The following PRKAR1A variants were observed in gnomAD, a reference collection of about 807,000 sequenced individuals.
PRKAR1A encodes the protein protein kinase cAMP-dependent type I regulatory subunit alpha.
A neutral mutation model predicts 52.0 loss-of-function variants in PRKAR1A; 3 were observed. The observed-to-expected ratio is 0.06, with a 90% CI of 0.03 to 0.15. PRKAR1A has a LOEUF of 0.15. Among genes scored for constraint, PRKAR1A ranks in the 10% least tolerant of loss-of-function variants. The pLI is 1.00. For synonymous variants in PRKAR1A, 188 were observed against 168.4 expected, an observed-to-expected ratio of 1.12 and a Z score of -0.90; for missense variants, 240 against 477.4, an observed-to-expected ratio of 0.50 and a Z score of 4.63.
intron 11 of PRKAR1A, chr17:68,542,851 G>T: frequency 6.9e-7 from 1 of 1,454,974 alleles, no homozygotes; most frequent in Non-Finnish European, 9.6e-7. Flanking sequence ...GGATGATCAG[G>T]GAGTGAGGAG....
At chr17:68,456,411 G>C in the PRKAR1A span, among the ~76,000 whole-genome samples, 1 of 152,180 alleles carries the variant, frequency 6.6e-6, no homozygotes, top group Non-Finnish European at 1.5e-5. Flanking sequence ...TGGGAAACTG[G>C]GAATCGGTCA....
At chr17:68,456,814 G>GCCTGGGGGCCTGT in the PRKAR1A span, among the ~76,000 whole-genome samples, 3 of 152,208 alleles carry the variant, frequency 2.0e-5, no homozygotes, top group African/African-American at 7.2e-5. Context: ...ACAGGGGCTG[G>GCCTGGGGGCCTGT]CCTGGCCGCA....
chr17:68,471,739 C>T, the PRKAR1A span, among the ~76,000 whole-genome samples: 1 of 152,194 alleles, frequency 6.6e-6, no homozygotes, highest in Non-Finnish European at 1.5e-5. Context: ...CTGACTGTCT[C>T]AGAGGCCCCC....
the PRKAR1A span, among the ~76,000 whole-genome samples, chr17:68,504,894 C>T: frequency 6.6e-6 from 1 of 152,260 alleles, no homozygotes; most frequent in East Asian, 1.9e-4. Flanking sequence ...GTGATTATTA[C>T]CCATTGTATG....
At chr17:68,444,653 AATC>A in the PRKAR1A span, 1 of 1,356,608 alleles carries the variant, frequency 7.4e-7, no homozygotes, top group South Asian at 1.3e-5. Flanking sequence ...ACCAAATCCA[AATC>A]ATTCATCTTT....
chr17:68,520,007 A>G (rs1359810210), intron 2 of PRKAR1A, among the ~76,000 whole-genome samples: 1 of 152,238 alleles, frequency 6.6e-6, no homozygotes, highest in Non-Finnish European at 1.5e-5. Flanking sequence ...TTCAGTGGTT[A>G]CTACAACAGA....
chr17:68,450,234 C>A, the PRKAR1A span, among the ~76,000 whole-genome samples: 1 of 152,160 alleles, frequency 6.6e-6, no homozygotes, highest in African/African-American at 2.4e-5. Context: ...GAATAGCAGA[C>A]CTTCCAGGAG....
chr17:68,524,701 G>T (rs534548358), intron 5 of PRKAR1A, among the ~76,000 whole-genome samples: 2 of 152,010 alleles, frequency 1.3e-5, no homozygotes, highest in Non-Finnish European at 2.9e-5. Context: ...TTTTTCAGAG[G>T]TATTCTTCAC....
intron 2 of PRKAR1A, among the ~76,000 whole-genome samples, chr17:68,520,782 A>G (rs1568692922): frequency 6.6e-6 from 1 of 152,218 alleles, no homozygotes; most frequent in Non-Finnish European, 1.5e-5. Context: ...TGTTACTTCA[A>G]AATTAATCTT....
chr17:68,437,947 T>TC, the PRKAR1A span, among the ~76,000 whole-genome samples: 2 of 58,810 alleles, frequency 3.4e-5, no homozygotes, highest in African/African-American at 1.5e-4. Flanking sequence ...GACATCTCTC[T>TC]TAAAAAAAAA....
downstream of PRKAR1A, among the ~76,000 whole-genome samples, chr17:68,534,474 A>AGT (rs1327445521): frequency 1.3e-5 from 2 of 151,956 alleles, no homozygotes; most frequent in East Asian, 1.9e-4. Flanking sequence ...GCCTCCCAAC[A>AGT]CACATGTTCC....
At chr17:68,537,517 T>C, downstream of PRKAR1A, 1 of 1,613,922 alleles carries the variant, frequency 6.2e-7, no homozygotes, top group Non-Finnish European at 8.5e-7. This position sits in a 1 kb window ranked among gnomAD's most constrained non-coding sequence, Gnocchi z 4.2. Flanking sequence ...TGGGGCCAAC[T>C]GTTCCACTGG....
the PRKAR1A span, among the ~76,000 whole-genome samples, chr17:68,415,371 T>C: frequency 1.3e-5 from 2 of 152,218 alleles, no homozygotes; most frequent in Non-Finnish European, 2.9e-5. Context: ...TATTCCACTG[T>C]GGTCTGAGAG....
intron 7 of PRKAR1A, among the ~76,000 whole-genome samples, chr17:68,526,653 C>T (rs2085800667): frequency 6.6e-6 from 1 of 152,058 alleles, no homozygotes; most frequent in Non-Finnish European, 1.5e-5. Context: ...TTTTTCTAAG[C>T]AAAATAACAC....
At chr17:68,548,982 T>G (rs1385024963) in intron 11 of PRKAR1A, among the ~76,000 whole-genome samples, 1 of 151,998 alleles carries the variant, frequency 6.6e-6, no homozygotes, top group Admixed American at 6.5e-5. Flanking sequence ...TCTGCCCGCC[T>G]CAGCCTCCCA....
the PRKAR1A span, among the ~76,000 whole-genome samples, chr17:68,494,207 T>C: frequency 1.3e-5 from 2 of 152,340 alleles, no homozygotes; most frequent in African/African-American, 2.4e-5. Flanking sequence ...TTAATTCCCT[T>C]CCCCTTGAAT....
chr17:68,478,657 T>C, the PRKAR1A span, among the ~76,000 whole-genome samples: 1 of 152,102 alleles, frequency 6.6e-6, no homozygotes, highest in African/African-American at 2.4e-5. Context: ...TTATATTCAA[T>C]GTTCAGAACT....
chr17:68,456,427 G>A, the PRKAR1A span, among the ~76,000 whole-genome samples: 2 of 152,172 alleles, frequency 1.3e-5, no homozygotes, highest in African/African-American at 4.8e-5. Flanking sequence ...GGTCATCCCC[G>A]CCTGATGCTC....
At chr17:68,448,652 G>A in the PRKAR1A span, among the ~76,000 whole-genome samples, 1 of 152,154 alleles carries the variant, frequency 6.6e-6, no homozygotes, top group Non-Finnish European at 1.5e-5. Context: ...TACAATAGAC[G>A]CTATTTGAGG....
Sources: gnomAD v4.1 joint callset for allele counts (sites outside exome capture counted in the v4.1 genomes callset) on GRCh38, gnomAD v4.1.1 for gene constraint, Gnocchi (gnomAD v3.1) non-coding constraint, MANE v1.5 for transcripts, NCBI Gene and HGNC (gene_info 2026-07-23, HGNC 2026-07-21) for gene names.